The following CSMD1 variants were observed in gnomAD, a reference collection of about 807,000 sequenced individuals.
CSMD1 encodes the protein CUB and Sushi multiple domains 1, also known as CUB and sushi domain-containing protein 1.
A neutral mutation model predicts 417.5 loss-of-function variants in CSMD1; 213 were observed. The observed-to-expected ratio is 0.51, with a 90% confidence interval of 0.46 to 0.57. The LOEUF is 0.57. Among genes scored for constraint, CSMD1 ranks in the 20% least tolerant of loss-of-function variants. CSMD1 has a pLI of 0.00. For missense variants in CSMD1, 6,923 were observed against 4,529.7 expected (o/e 1.53, Z -15.17); for synonymous variants, 2,862 against 1,736.8 (o/e 1.65, Z -16.11).
chr8:4,828,311 G>C (rs1308223253), intron 1 of CSMD1, among the ~76,000 whole-genome samples: 1 of 152,116 alleles, frequency 6.6e-6, no homozygotes, highest in South Asian at 2.1e-4. Flanking sequence ...CAAATGTGCT[G>C]ACTTTTCTTA....
At chr8:4,129,518 G>A (rs567218563) in intron 3 of CSMD1, among the ~76,000 whole-genome samples, 1 of 152,034 alleles carries the variant, frequency 6.6e-6, no homozygotes, top group African/African-American at 2.4e-5. Flanking sequence ...ATTTTGCCAG[G>A]GCATAGGAAT....
chr8:3,250,904 G>A (rs1800207622), intron 26 of CSMD1, among the ~76,000 whole-genome samples: 2 of 152,152 alleles, frequency 1.3e-5, no homozygotes, highest in African/African-American at 4.8e-5. Context: ...ACTTGTTGAT[G>A]GGGTTATTTG....
chr8:3,241,007 G>C (rs1466997013), intron 26 of CSMD1, among the ~76,000 whole-genome samples: 1 of 150,410 alleles, frequency 6.6e-6, no homozygotes, highest in East Asian at 1.9e-4. Flanking sequence ...GAGATGATAA[G>C]GGGTGCATGA....
chr8:3,314,446 A>G (rs899187805), intron 23 of CSMD1, among the ~76,000 whole-genome samples: 10 of 152,164 alleles, frequency 6.6e-5, no homozygotes, highest in Admixed American at 3.9e-4. Flanking sequence ...CTAGTCTGCA[A>G]TTATTCAGGG....
At chr8:4,675,777 T>C (rs1297069110) in intron 1 of CSMD1, among the ~76,000 whole-genome samples, 1 of 152,220 alleles carries the variant, frequency 6.6e-6, no homozygotes, top group African/African-American at 2.4e-5. Context: ...AGTAAGCCTG[T>C]GTTTACATTC....
intron 3 of CSMD1, among the ~76,000 whole-genome samples, chr8:4,154,562 G>A (rs992892024): frequency 1.1e-4 from 17 of 152,170 alleles, no homozygotes; most frequent in African/African-American, 1.9e-4. Context: ...TTCTAACGCC[G>A]TGAGCTGGGC....
chr8:3,682,518 C>A (rs1030477128), intron 7 of CSMD1, among the ~76,000 whole-genome samples: 2 of 152,042 alleles, frequency 1.3e-5, no homozygotes, highest in Non-Finnish European at 2.9e-5. Context: ...GTTGGAATGG[C>A]GATCATTAAA....
At chr8:4,585,606 A>G (rs1799659670) in intron 2 of CSMD1, among the ~76,000 whole-genome samples, 2 of 152,188 alleles carry the variant, frequency 1.3e-5, no homozygotes, top group African/African-American at 4.8e-5. Flanking sequence ...TTACAAAGAG[A>G]AAAATTTTAA....
At chr8:4,385,956 C>T (rs1803420529) in intron 3 of CSMD1, among the ~76,000 whole-genome samples, 1 of 152,132 alleles carries the variant, frequency 6.6e-6, no homozygotes, top group Admixed American at 6.5e-5. Context: ...ATACCCAACC[C>T]AGAGCATCAG....
chr8:4,332,906 A>T (rs1799956568), intron 3 of CSMD1, among the ~76,000 whole-genome samples: 2 of 151,476 alleles, frequency 1.3e-5, no homozygotes, highest in South Asian at 2.1e-4. Context: ...TGACTTGAAA[A>T]GGGTACTTTA....
In CSMD1 at chr8:3,921,902, T is replaced by C; in HGVS notation, c.818+76001A>G. On this transcript the variant is annotated intron_variant, in intron 5 of 69. Coordinates refer to ENST00000635120, the MANE Select transcript of CSMD1 (RefSeq NM_033225.6). Reference sequence around the variant, plus strand: ...TCTGCATGTGTCTGTTAGGTCCATCTGGTCCATACTGTTGGCCAAGTACAT... The same window carrying C: ...TCTGCATGTGTCTGTTAGGTCCATCCGGTCCATACTGTTGGCCAAGTACAT... Among the ~76,000 whole-genome samples the C allele has an allele frequency of 1.3e-5, 2 of 152,166 alleles. 1 individual carries two copies. Among genetic ancestry groups the C allele is most frequent in the Non-Finnish European group, 2.9e-5 (2 of 68,024 alleles).
intron 1 of CSMD1, among the ~76,000 whole-genome samples, chr8:4,754,958 G>T (rs1420632340): frequency 6.6e-6 from 1 of 152,082 alleles, no homozygotes; most frequent in Non-Finnish European, 1.5e-5. Flanking sequence ...CCAACATAGT[G>T]AAACCCTGTC....
chr8:3,567,224 T>TA (rs1421082432), intron 10 of CSMD1, among the ~76,000 whole-genome samples: 3 of 151,824 alleles, frequency 2.0e-5, no homozygotes, highest in African/African-American at 7.3e-5. Flanking sequence ...ATGGTGAAAG[T>TA]ACATGGACAC....
intron 40 of CSMD1, among the ~76,000 whole-genome samples, chr8:3,145,098 T>C (rs1368810504): frequency 6.6e-6 from 1 of 152,168 alleles, no homozygotes; most frequent in African/African-American, 2.4e-5. Flanking sequence ...CGTGTGTTTG[T>C]GTGACTGCCT....
intron 5 of CSMD1, among the ~76,000 whole-genome samples, chr8:3,996,019 G>T (rs1005983902): frequency 1.3e-5 from 2 of 152,158 alleles, no homozygotes; most frequent in Non-Finnish European, 2.9e-5. Flanking sequence ...CTATGACAAG[G>T]ATGATCAATT....
intron 1 of CSMD1, among the ~76,000 whole-genome samples, chr8:4,645,302 C>G (rs750032080): frequency 6.6e-6 from 1 of 151,866 alleles, no homozygotes; most frequent in African/African-American, 2.4e-5. Flanking sequence ...GCTGTTGCCC[C>G]CAGGGGAGGC....
intron 2 of CSMD1, among the ~76,000 whole-genome samples, chr8:4,613,569 A>T (rs952893672): frequency 7.9e-5 from 12 of 152,240 alleles, no homozygotes; most frequent in Non-Finnish European, 1.3e-4. Context: ...ACTACAGTTA[A>T]GTGATGGCTG....
intron 10 of CSMD1, among the ~76,000 whole-genome samples, chr8:3,536,532 C>T (rs768965546): frequency 1.3e-5 from 2 of 152,176 alleles, no homozygotes; most frequent in Non-Finnish European, 2.9e-5. Flanking sequence ...GGATTGGCCT[C>T]CATGAGAAGG....
rs1003297897 is a variant in CSMD1, at chr8:3,284,075, G to A, written c.4153+69C>T. ...TAAGGAGACGCTGGTGAATATAAAT[G>A]GAGGGAGATCTGTGTTCATGACAAG... On this transcript the variant is annotated intron_variant, in intron 26 of 69. Transcript: ENST00000635120. 46 of 1,225,510 alleles carry A rather than the reference G, an allele frequency of 3.8e-5. No individual in the cohort carries two copies. In the Middle Eastern group the frequency reaches 5.6e-4, roughly 15 times the overall value. 75.9% of individuals were successfully genotyped at this position (1,225,510 alleles called of 1,614,324 possible).
Sources: gnomAD v4.1 joint callset for allele counts (sites outside exome capture counted in the v4.1 genomes callset) on GRCh38, gnomAD v4.1.1 for gene constraint, MANE v1.5 for transcripts, NCBI Gene and HGNC (gene_info 2026-07-23, HGNC 2026-07-21) for gene names.